XKR4: variants seen among roughly 807,000 people sequenced by gnomAD.
The protein encoded by XKR4 is XK related 4.
XKR4 carries 12 observed loss-of-function variants against 53.9 expected under a neutral mutation model. That is an observed-to-expected ratio of 0.22 (90% CI 0.14 to 0.36). XKR4 has a LOEUF of 0.36. Among genes scored for constraint, XKR4 ranks in the 10% least tolerant of loss-of-function variants. XKR4 has a pLI of 1.00. For synonymous variants in XKR4, 354 were observed against 362.4 expected, an observed-to-expected ratio of 0.98 and a Z score of 0.26; for missense variants, 799 against 859.5, an observed-to-expected ratio of 0.93 and a Z score of 0.88.
intron 2 of XKR4, among the ~76,000 whole-genome samples, chr8:55,397,915 C>T (rs570543551): frequency 6.6e-6 from 1 of 152,308 alleles, no homozygotes; most frequent in East Asian, 1.9e-4. Flanking sequence ...CATCCAAGGG[C>T]TCCTCCAGTC....
At chr8:55,132,147 A>G (rs184696515) in intron 1 of XKR4, among the ~76,000 whole-genome samples, 517 of 152,364 alleles carry the variant, frequency 3.4e-3, no homozygotes, top group Non-Finnish European at 4.5e-3. Context: ...TTGAGCTTGT[A>G]TCATGCACCA....
Position 55,454,854 on chromosome 8 carries a change from C to T in XKR4, c.1007-68427C>T. 3.9e-6 allele frequency: 3 copies of T among 764,240 alleles called. No homozygotes were observed. The South Asian group carries it at 4.2e-5, about 11-fold the overall frequency. 47.3% of individuals were successfully genotyped at this position (764,240 alleles called of 1,614,324 possible). A position where few individuals can be genotyped will look rare whatever the true frequency, so the allele number is the denominator to read the frequency against. On this transcript the variant is annotated intron_variant, in intron 2 of 2. Transcript: ENST00000327381. ...GCCTCCCTCATCCTCCTCTTCCTCC[C>T]ACTCAGTGGCATCCTTAGCGCGTGT... is the stretch of plus-strand genomic sequence containing the variant.
intron 2 of XKR4, among the ~76,000 whole-genome samples, chr8:55,382,406 A>C (rs1804248041): frequency 1.3e-5 from 2 of 152,262 alleles, no homozygotes; most frequent in African/African-American, 4.8e-5. Flanking sequence ...GCAGAATAAA[A>C]TATGATACTG....
chr8:55,454,427 G>C (rs991600594), intron 2 of XKR4: 4 of 1,245,396 alleles, frequency 3.2e-6, no homozygotes, highest in Non-Finnish European at 4.6e-6. Flanking sequence ...GCAGGCATCG[G>C]TGAGCTGCTG....
At chr8:55,389,280 G>C (rs376089616) in intron 2 of XKR4, among the ~76,000 whole-genome samples, 3 of 152,172 alleles carry the variant, frequency 2.0e-5, no homozygotes, top group Non-Finnish European at 2.9e-5. Flanking sequence ...CACACAGTCT[G>C]TGGTATTTGG....
At chr8:55,457,058 A>G (rs542883922) in intron 2 of XKR4, among the ~76,000 whole-genome samples, 1 of 152,256 alleles carries the variant, frequency 6.6e-6, no homozygotes, top group South Asian at 2.1e-4. Context: ...GGAAAAAAAT[A>G]TGATTAATAG....
chr8:55,414,772 G>A (rs1008352664), intron 2 of XKR4, among the ~76,000 whole-genome samples: 3 of 151,982 alleles, frequency 2.0e-5, no homozygotes, highest in East Asian at 1.9e-4. Flanking sequence ...GCAATTTTCC[G>A]AGCCATCTTT....
At chr8:55,108,937 C>T (rs7838991) in intron 1 of XKR4, among the ~76,000 whole-genome samples, 2 of 151,988 alleles carry the variant, frequency 1.3e-5, no homozygotes. Context: ...GGGGTGAAAG[C>T]AACATGGAAA....
At chr8:55,472,610 G>A (rs1457750463) in intron 2 of XKR4, among the ~76,000 whole-genome samples, 5 of 152,038 alleles carry the variant, frequency 3.3e-5, no homozygotes, top group African/African-American at 1.2e-4. Flanking sequence ...GAGAGGGATG[G>A]GGTCCTGCAA....
chr8:55,289,646 A>AAAGAAAGAAAGAAAGAAAGGAAGG (rs1221597017), intron 1 of XKR4, among the ~76,000 whole-genome samples: 2 of 87,024 alleles, frequency 2.3e-5, no homozygotes, highest in Admixed American at 1.2e-4. Context: ...AGAAAGAAAG[A>AAAGAAAGAAAGAAAGAAAGGAAGG]AAGGAAGGAA....
At chr8:55,260,263 C>T (rs990413675) in intron 1 of XKR4, among the ~76,000 whole-genome samples, 1 of 152,318 alleles carries the variant, frequency 6.6e-6, no homozygotes, top group Middle Eastern at 3.4e-3. Context: ...AACTACCTCC[C>T]CTTTTTTATA....
At chr8:55,454,822 G>T in intron 2 of XKR4, 1 of 767,440 alleles carries the variant, frequency 1.3e-6, no homozygotes, top group Non-Finnish European at 2.4e-6. Context: ...GGCGACAGGT[G>T]CGTAAGGCCT....
At chr8:55,367,649 C>T (rs1322889935) in intron 2 of XKR4, among the ~76,000 whole-genome samples, 1 of 152,152 alleles carries the variant, frequency 6.6e-6, no homozygotes, top group Non-Finnish European at 1.5e-5. Flanking sequence ...CATTTTGAGT[C>T]CTCTGAATTT....
At chr8:55,159,754 A>G (rs561481964) in intron 1 of XKR4, among the ~76,000 whole-genome samples, 35 of 152,330 alleles carry the variant, frequency 2.3e-4, no homozygotes, top group Admixed American at 1.2e-3. Context: ...AATAGTTGGT[A>G]GAAGTAACCC....
At chr8:55,296,643 A>G (rs1162828388) in intron 1 of XKR4, among the ~76,000 whole-genome samples, 1 of 152,162 alleles carries the variant, frequency 6.6e-6, no homozygotes, top group Non-Finnish European at 1.5e-5. Context: ...CCAATTATGC[A>G]TAAGTAAAAA....
intron 2 of XKR4, among the ~76,000 whole-genome samples, chr8:55,410,836 C>T (rs1280416470): frequency 6.6e-6 from 1 of 152,172 alleles, no homozygotes; most frequent in Non-Finnish European, 1.5e-5. Context: ...TGGATTCAAA[C>T]CCACTTTGCT....
intron 1 of XKR4, among the ~76,000 whole-genome samples, chr8:55,195,301 A>G (rs971378757): frequency 7.0e-6 from 1 of 141,860 alleles, no homozygotes; most frequent in African/African-American, 2.5e-5. Context: ...ATAATATAAC[A>G]AAAATAAAAT....
At chr8:55,505,014 T>C (rs1000054517) in intron 2 of XKR4, among the ~76,000 whole-genome samples, 1 of 152,086 alleles carries the variant, frequency 6.6e-6, no homozygotes, top group African/African-American at 2.4e-5. Flanking sequence ...TTTGGTTTTC[T>C]TGATTTTCTC....
intron 1 of XKR4, among the ~76,000 whole-genome samples, chr8:55,237,675 A>G (rs74754841): frequency 1.3e-3 from 195 of 152,374 alleles, no homozygotes; most frequent in Non-Finnish European, 2.2e-3. Flanking sequence ...GGTCTAATGT[A>G]TAGTAGAAGA....
Sources: allele counts gnomAD v4.1 joint callset (sites outside exome capture counted in the v4.1 genomes callset), GRCh38; gene constraint gnomAD v4.1.1; transcripts MANE v1.5; gene names NCBI Gene and HGNC (gene_info 2026-07-23, HGNC 2026-07-21).